BMPR1A: variants seen among roughly 807,000 people sequenced by gnomAD.
BMPR1A encodes the protein bone morphogenetic protein receptor type 1A.
BMPR1A carries 7 observed loss-of-function variants against 66.0 expected under a neutral mutation model. The observed-to-expected ratio is 0.11, with a 90% CI of 0.06 to 0.20. The LOEUF is 0.20. BMPR1A is among the 10% of genes least tolerant of loss of function. The probability of loss-of-function intolerance (pLI) is 1.00; values close to 1 mark genes in which losing one functional copy is unlikely to be tolerated. For synonymous variants in BMPR1A, 200 were observed against 229.7 expected (o/e 0.87, Z 1.17); for missense variants, 408 against 669.1 (o/e 0.61, Z 4.31).
chr10:86,919,615 C>CT, intron 10 of BMPR1A, 146 bp downstream of exon 10: 1 of 1,118,278 alleles, frequency 8.9e-7, no homozygotes, highest in East Asian at 2.6e-5. Context: ...GGATTTTGTT[C>CT]TTTTTACAAA....
intron 1 of BMPR1A, among the ~76,000 whole-genome samples, chr10:86,758,527 CTTTTCTT>C (rs956683002): frequency 6.6e-6 from 1 of 151,762 alleles, no homozygotes; most frequent in African/African-American, 2.4e-5. Flanking sequence ...TTACAAAAAC[CTTTTCTT>C]AAGTCTGCTA....
chr10:86,915,223 G>C (rs1021984509), intron 8 of BMPR1A, among the ~76,000 whole-genome samples: 1 of 151,988 alleles, frequency 6.6e-6, no homozygotes, highest in African/African-American at 2.4e-5. Flanking sequence ...TAGAGACAGG[G>C]TTTCACCATG....
chr10:86,776,628 C>G (rs988917543), intron 1 of BMPR1A, among the ~76,000 whole-genome samples: 15 of 152,142 alleles, frequency 9.9e-5, no homozygotes, highest in Non-Finnish European at 1.9e-4. Context: ...TTTGCTACTT[C>G]CAGATCACTC....
intron 2 of BMPR1A, among the ~76,000 whole-genome samples, chr10:86,868,310 G>C (rs985606797): frequency 6.6e-6 from 1 of 152,178 alleles, no homozygotes; most frequent in African/African-American, 2.4e-5. Context: ...TTAGATTTGC[G>C]GGATATTGTT....
chr10:86,857,644 C>G (rs1842658958), intron 2 of BMPR1A, among the ~76,000 whole-genome samples: 1 of 151,708 alleles, frequency 6.6e-6, no homozygotes, highest in African/African-American at 2.4e-5. Context: ...ATGTGGCATA[C>G]TCACATGGTG....
At position 86,824,081 on chromosome 10, in the gene BMPR1A, T is replaced by TTGTGTGTGTGTGTGTGTGTG. The variant is rs71477609; in HGVS notation, c.-267-14772_-267-14753dup. On this transcript the variant is annotated intron_variant, in intron 1 of 12. Transcript: ENST00000372037. ...TGGCCCCTGGAAATATTACCAAGGG[T>TTGTGTGTGTGTGTGTGTGTG]TGTGTGTGTGTGTGTGTGTGTGTGT... 5.3e-3 allele frequency among the ~76,000 whole-genome samples: 499 copies of TTGTGTGTGTGTGTGTGTGTG among 94,100 alleles called. 6 individuals carry two copies. The highest frequency in any genetic ancestry group is 0.013 in the African/African-American group (463 of 34,832). 61.7% of individuals were successfully genotyped at this position (94,100 alleles called of 152,430 possible).
chr10:86,910,646 G>A (rs925272406), intron 7 of BMPR1A, among the ~76,000 whole-genome samples: 6 of 152,050 alleles, frequency 3.9e-5, no homozygotes, highest in African/African-American at 1.4e-4. Context: ...GTGTCTTTTG[G>A]ATTTTAAACT....
In BMPR1A at chr10:86,784,192, A is replaced by C. The variant is rs148976466; in HGVS notation, c.-268+27273A>C. On this transcript the variant is annotated intron_variant, in intron 1 of 12. Transcript: ENST00000372037. ...TAGTCTTGTTCCTGATCTTAGAGGG[A>C]AAGCTTTCAGTTTTTCACCATTGTA... is the stretch of plus-strand genomic sequence containing the variant. Among the ~76,000 whole-genome samples, 581 of 152,218 alleles carry C rather than the reference A, an allele frequency of 3.8e-3. 4 individuals are homozygous for C. The highest frequency in any genetic ancestry group is 0.013 in the African/African-American group (548 of 41,534).
chr10:86,799,701 A>G (rs1256180262), intron 1 of BMPR1A, among the ~76,000 whole-genome samples: 5 of 151,842 alleles, frequency 3.3e-5, no homozygotes, highest in Non-Finnish European at 5.9e-5. Context: ...ACAGGCGCAC[A>G]TCGTCACACC....
chr10:86,806,509 A>G (rs1841890705), intron 1 of BMPR1A, among the ~76,000 whole-genome samples: 1 of 152,130 alleles, frequency 6.6e-6, no homozygotes, highest in Non-Finnish European at 1.5e-5. Flanking sequence ...TTTAGTTGTC[A>G]TCACTATGGA....
At chr10:86,778,444 G>A (rs1345020086) in intron 1 of BMPR1A, among the ~76,000 whole-genome samples, 2 of 151,806 alleles carry the variant, frequency 1.3e-5, no homozygotes, top group African/African-American at 4.8e-5. Flanking sequence ...TGCCTGCCCT[G>A]CCGCTAGTGT....
intron 2 of BMPR1A, among the ~76,000 whole-genome samples, chr10:86,865,604 T>C (rs1386423697): frequency 6.6e-6 from 1 of 152,216 alleles, no homozygotes; most frequent in Non-Finnish European, 1.5e-5. Context: ...CACATGAAAC[T>C]AGGCAAGAAT....
chr10:86,921,229 G>A (rs183921780), intron 10 of BMPR1A, among the ~76,000 whole-genome samples: 3 of 152,170 alleles, frequency 2.0e-5, no homozygotes, highest in East Asian at 1.9e-4. Flanking sequence ...TGACCTGAAC[G>A]GATGTGAGGT....
At chr10:86,774,775 G>T (rs1159019562) in intron 1 of BMPR1A, among the ~76,000 whole-genome samples, 1 of 152,174 alleles carries the variant, frequency 6.6e-6, no homozygotes, top group Non-Finnish European at 1.5e-5. Flanking sequence ...TGACCTTAGG[G>T]ATTATATTAG....
At chr10:86,904,779 C>T (rs902344012) in intron 7 of BMPR1A, among the ~76,000 whole-genome samples, 23 of 152,188 alleles carry the variant, frequency 1.5e-4, no homozygotes, top group African/African-American at 5.3e-4. Context: ...TGACCTATAA[C>T]ACTTCACAGA....
Position 86,871,200 on chromosome 10 carries a change from A to G in BMPR1A, c.-152-4667A>G, listed in dbSNP as rs578167055. 1.4e-4 allele frequency among the ~76,000 whole-genome samples: 21 copies of G among 152,222 alleles called. No homozygotes were observed. The South Asian group carries it at 4.4e-3, about 32-fold the overall frequency. Reference sequence around the variant, plus strand: ...TCAGCATTGCTTCCCTTTCCGCTTCATCTAGATTAGAGGGGGGTCACTGCC... The same window carrying G: ...TCAGCATTGCTTCCCTTTCCGCTTCGTCTAGATTAGAGGGGGGTCACTGCC... On this transcript the variant is annotated intron_variant, in intron 2 of 12. Coordinates refer to ENST00000372037, the MANE Select transcript of BMPR1A (RefSeq NM_004329.3).
At chr10:86,767,829 G>A (rs1841192646) in intron 1 of BMPR1A, among the ~76,000 whole-genome samples, 1 of 152,068 alleles carries the variant, frequency 6.6e-6, no homozygotes, top group African/African-American at 2.4e-5. Context: ...TGGGAGTTTT[G>A]CAAGCAGGGA....
At chr10:86,909,316 G>A (rs1843442474) in intron 7 of BMPR1A, among the ~76,000 whole-genome samples, 1 of 152,166 alleles carries the variant, frequency 6.6e-6, no homozygotes, top group East Asian at 1.9e-4. Flanking sequence ...ATGAGGGCCA[G>A]CTGTGGTGGC....
intron 1 of BMPR1A, among the ~76,000 whole-genome samples, chr10:86,810,321 G>A (rs889679317): frequency 8.5e-5 from 13 of 152,104 alleles, no homozygotes; most frequent in African/African-American, 2.9e-4. Flanking sequence ...GTATTCATTC[G>A]TTGGTTGATA....
Sources: allele counts gnomAD v4.1 joint callset (sites outside exome capture counted in the v4.1 genomes callset), GRCh38; gene constraint gnomAD v4.1.1; transcripts MANE v1.5; gene names NCBI Gene and HGNC (gene_info 2026-07-23, HGNC 2026-07-21).